The following IMMT variants were observed in gnomAD, a reference collection of about 807,000 sequenced individuals.
The protein encoded by IMMT is inner membrane mitochondrial protein, also known as MICOS complex subunit MIC60.
Under a neutral mutation model 92.7 loss-of-function variants are expected in IMMT, and 40 were observed. The observed-to-expected ratio is 0.43, with a 90% confidence interval of 0.34 to 0.56. The LOEUF is 0.56. Among genes scored for constraint, IMMT ranks in the 20% least tolerant of loss-of-function variants. The pLI, the probability that IMMT is intolerant of heterozygous loss-of-function variation, is 0.03. For missense variants in IMMT, 831 were observed against 912.1 expected (o/e 0.91, Z 1.14); for synonymous variants, 322 against 336.1 (o/e 0.96, Z 0.46).
chr2:86,166,632 C>G lies in IMMT; in HGVS notation c.668G>C (p.Ser223Thr), dbSNP rs1167079961. ...EQVKIESLAK[S>T]LEDALRQTAS... ...AGTTTGCCTCAGAGCATCTTCTAAGCTCTTGGCTAGAGCTTAAAAAAAAAA... is the reference window on the plus strand; with the variant it reads ...AGTTTGCCTCAGAGCATCTTCTAAGGTCTTGGCTAGAGCTTAAAAAAAAAA... The change falls in exon 7 of 15, where the codon AGC becomes ACC. Residue 223 changes from serine (S) to threonine (T), a missense_variant. Coordinates refer to ENST00000410111, the MANE Select transcript of IMMT (RefSeq NM_006839.3). 6.2e-7 allele frequency: 1 copy of G among 1,605,130 alleles called. No homozygotes were observed. The highest frequency in any genetic ancestry group is 8.5e-7 in the Non-Finnish European group (1 of 1,177,232).
rs982818364 is a variant in IMMT at position 86,153,523 on chromosome 2, CAA to C, written c.1177+35_1177+36del. The C allele has an allele frequency of 6.8e-6, 9 of 1,322,686 alleles. No homozygotes were observed. The African/African-American group carries it at 7.7e-5, about 11-fold the overall frequency. The allele number at this position is 1,322,686 out of a possible 1,614,324, so 81.9% of individuals were successfully genotyped here. A position where few individuals can be genotyped will look rare whatever the true frequency, so the allele number is the denominator to read the frequency against. On this transcript the variant is annotated intron_variant, in intron 11 of 14. Coordinates refer to ENST00000410111, the MANE Select transcript of IMMT (RefSeq NM_006839.3). The stretch of plus-strand genomic sequence containing the variant: ...GACTTTAGTCTCTTAATACCCAAAA[CAA>C]AAGACTTTAAACATGAAATATACAT...
At position 86,195,347 on chromosome 2, in the gene IMMT, G is replaced by A; in HGVS notation, c.36C>T (p.Ala12=). The A allele has an allele frequency of 1.3e-6, 2 of 1,549,360 alleles. No individual in the cohort carries two copies. The highest frequency in any genetic ancestry group is 1.7e-6 in the Non-Finnish European group (2 of 1,146,222). The stretch of plus-strand genomic sequence containing the variant: ...GAGCCCCAGTGCTCACCTGGGCGGC[G>A]GCGGTCACACCCGATAACTGACAGG... ...LRACQLSGVT[A]AAQSCLCGKF... is the part of the protein sequence containing the mutation. Residue 12 remains alanine (A), a synonymous_variant, in exon 1 of 15, where the codon GCC becomes GCT. Coordinates refer to ENST00000410111, the MANE Select transcript of IMMT (RefSeq NM_006839.3).
rs1676039911 is a variant in IMMT at position 86,158,663 on chromosome 2, T to C, written c.1091A>G (p.Gln364Arg). Residue 364 changes from glutamine (Q) to arginine (R), a missense_variant, in exon 10 of 15, where the codon CAA becomes CGA. By Grantham distance (43) the Gln-to-Arg change is conservative. Coordinates refer to ENST00000410111, the MANE Select transcript of IMMT (RefSeq NM_006839.3). ...VVSQYHELVV[Q>R]ARDDFKRELD... ...CTCTCGTTTAAAGTCATCCCGAGCT[T>C]GGACCACCAGCTCATGATACTGAGA... is the stretch of plus-strand genomic sequence containing the variant. The C allele has an allele frequency of 3.1e-6, 5 of 1,604,588 alleles. No individual in the cohort carries two copies. The highest frequency in any genetic ancestry group is 4.3e-6 in the Non-Finnish European group (5 of 1,175,078).
intron 8 of IMMT, 63 bp from the exon 9 acceptor site, chr2:86,159,734 T>C (rs1439712968): frequency 5.8e-6 from 8 of 1,382,406 alleles, no homozygotes; most frequent in Non-Finnish European, 7.8e-6. Flanking sequence ...AAAGTTTTGA[T>C]GTCAGCACAG....
At chr2:86,167,717 C>T (rs1364478898) in intron 6 of IMMT, among the ~76,000 whole-genome samples, 1 of 151,826 alleles carries the variant, frequency 6.6e-6, no homozygotes, top group East Asian at 1.9e-4. Context: ...CTCCTGACCT[C>T]GTGATCCATC....
Position 86,171,293 on chromosome 2 carries a change from G to C in IMMT, c.474C>G (p.Val158=). Reference sequence around the variant, plus strand: ...CCTCAGGCTGAACTGCAGGGGCTGGGACCGACAGGGTATCACCTGCTGCAG... The same window carrying C: ...CCTCAGGCTGAACTGCAGGGGCTGGCACCGACAGGGTATCACCTGCTGCAG... ...IISAAGDTLS[V]PAPAVQPEES... The change falls in exon 5 of 15, where the codon GTC becomes GTG. Residue 158 remains valine, a synonymous_variant. Coordinates refer to ENST00000410111, the MANE Select transcript of IMMT (RefSeq NM_006839.3). 6.2e-7 allele frequency: 1 copy of C among 1,610,520 alleles called. No homozygotes were observed. The highest frequency in any genetic ancestry group is 8.5e-7 in the Non-Finnish European group (1 of 1,178,042).
intron 4 of IMMT, among the ~76,000 whole-genome samples, chr2:86,171,959 ATTTTTTT>A (rs869190735): frequency 4.5e-4 from 18 of 40,200 alleles, no homozygotes; most frequent in Non-Finnish European, 1.0e-3. Flanking sequence ...TGTGTAGTAT[ATTTTTTT>A]TTTTTTTTTT....
chr2:86,146,250 T>C (rs1675001243), intron 13 of IMMT, 53 bp from the exon 14 acceptor site: 2 of 1,498,146 alleles, frequency 1.3e-6, no homozygotes, highest in African/African-American at 1.4e-5. Flanking sequence ...ATGCATGTCA[T>C]GTAACTGTGT....
In IMMT at chr2:86,161,513, T is replaced by C. The variant is rs1676271464; in HGVS notation, c.896+463A>G. Among the ~76,000 whole-genome samples the C allele has an allele frequency of 6.7e-5, 3 of 44,638 alleles. No individual in the cohort carries two copies. In the South Asian group the frequency reaches 1.9e-3, roughly 28 times the overall value. 29.3% of individuals were successfully genotyped at this position (44,638 alleles called of 152,430 possible). ...CTTTTTACACCTTTGTACAAATTCC[T>C]TTTTTTTTTTTTTTTTTTGAGACAG... On this transcript the variant is annotated intron_variant, in intron 8 of 14. Coordinates refer to ENST00000410111, the MANE Select transcript of IMMT (RefSeq NM_006839.3).
Position 86,144,901 on chromosome 2 carries a change from A to G in IMMT, c.1664-20T>C, listed in dbSNP as rs890555402. 1.3e-6 allele frequency: 2 copies of G among 1,563,870 alleles called. No individual in the cohort carries two copies. The highest frequency in any genetic ancestry group is 1.7e-6 in the Non-Finnish European group (2 of 1,158,860). On this transcript the variant is annotated intron_variant, in intron 14 of 14. Coordinates refer to ENST00000410111, the MANE Select transcript of IMMT (RefSeq NM_006839.3). ...CATGGCCTACAAAGAAAAAAAGGCA[A>G]AGCCAAACATTTTTCTCTCCATCTG...
chr2:86,165,986 T>C (rs1573910232), intron 7 of IMMT, among the ~76,000 whole-genome samples: 1 of 152,352 alleles, frequency 6.6e-6, no homozygotes, highest in East Asian at 1.9e-4. Context: ...GCACAATGTA[T>C]AAAATTCATT....
chr2:86,187,020 A>T (rs983072161), intron 1 of IMMT, among the ~76,000 whole-genome samples: 4 of 150,034 alleles, frequency 2.7e-5, no homozygotes, highest in East Asian at 3.9e-4. Flanking sequence ...GGTGGCAGGT[A>T]TTTTTTTTTT....
Position 86,186,458 on chromosome 2 carries a change from T to C in IMMT, c.46-5086A>G, listed in dbSNP as rs546803973. ...CAGGCCTTTGTTACTAATTCACTAA[T>C]AGAAGGCAGTGAAAGTGATGCTCTG... On this transcript the variant is annotated intron_variant, in intron 1 of 14. Coordinates refer to ENST00000410111, the MANE Select transcript of IMMT (RefSeq NM_006839.3). 7.9e-5 allele frequency among the ~76,000 whole-genome samples: 12 copies of C among 152,326 alleles called. No homozygotes were observed. The East Asian group carries it at 1.7e-3, about 22-fold the overall frequency.
Position 86,193,459 on chromosome 2 carries a change from A to T in IMMT, c.45+1879T>A, listed in dbSNP as rs74889314. ...TAATAAAGTGGAAAGGATCTTGACA[A>T]GTGAGATATTCTGGATACGTTGATA... On this transcript the variant is annotated intron_variant, in intron 1 of 14. Transcript: ENST00000410111. Among the ~76,000 whole-genome samples, 622 of 152,124 alleles carry T rather than the reference A, an allele frequency of 4.1e-3. 18 individuals are homozygous for T. The East Asian group carries it at 0.088, about 22-fold the overall frequency.
rs181833234 is a variant in IMMT at position 86,193,035 on chromosome 2, T to G, written c.45+2303A>C. On this transcript the variant is annotated intron_variant, in intron 1 of 14. Transcript: ENST00000410111. ...TTAAAAAGCCTTTTACTAAATGTCT[T>G]ACTGCTTTTACTATTCCCTCCTAGA... The G allele has an allele frequency of 6.6e-4, 102 of 153,844 alleles. 1 individual carries two copies. Among genetic ancestry groups the G allele is most frequent in the African/African-American group, 2.4e-3 (98 of 41,464 alleles). The allele number at this position is 153,844 out of a possible 1,614,324, so 9.5% of individuals were successfully genotyped here. A position where few individuals can be genotyped will look rare whatever the true frequency, so the allele number is the denominator to read the frequency against.
intron 14 of IMMT, 122 bp downstream of exon 14, chr2:86,145,946 G>A (rs1674970321): frequency 2.9e-6 from 2 of 701,596 alleles, no homozygotes; most frequent in Non-Finnish European, 4.1e-6. Context: ...CTGCAATTAA[G>A]TAGAGTGATT....
intron 10 of IMMT, among the ~76,000 whole-genome samples, chr2:86,155,591 C>T (rs190581751): frequency 2.9e-4 from 44 of 152,292 alleles, no homozygotes; most frequent in Non-Finnish European, 4.4e-4. Context: ...GCTATTATTG[C>T]GTTTGGAAAC....
chr2:86,147,364 A>T (rs1227474908), intron 13 of IMMT, among the ~76,000 whole-genome samples: 2 of 152,174 alleles, frequency 1.3e-5, no homozygotes, highest in African/African-American at 4.8e-5. Flanking sequence ...GGATTTCAAA[A>T]CTTCTCTGGG....
chr2:86,145,448 T>C (rs548352343), intron 14 of IMMT, among the ~76,000 whole-genome samples: 103 of 125,466 alleles, frequency 8.2e-4, no homozygotes, highest in African/African-American at 1.8e-3. Context: ...TGAGTCGATA[T>C]CACACCACTG....
Sources: gnomAD v4.1 joint callset for allele counts (sites outside exome capture counted in the v4.1 genomes callset) on GRCh38, gnomAD v4.1.1 for gene constraint, MANE v1.5 for transcripts, NCBI Gene and HGNC (gene_info 2026-07-23, HGNC 2026-07-21) for gene names.